Variants in ARHGAP8 observed in about 807,000 individuals in gnomAD.
ARHGAP8 encodes Rho GTPase activating protein 8.
In ARHGAP8, 62 loss-of-function variants were observed where a neutral mutation model predicts 46.1. The observed-to-expected ratio is 1.34, with a 90% CI of 1.10 to 1.66. The LOEUF is 1.66. Among genes scored for constraint, ARHGAP8 ranks in the 40% most tolerant of loss-of-function variants. The probability of loss-of-function intolerance (pLI) is 0.00; values close to 1 mark genes in which losing one functional copy is unlikely to be tolerated. For synonymous variants in ARHGAP8, 375 were observed against 243.1 expected (o/e 1.54, Z -5.05); for missense variants, 923 against 568.4 (o/e 1.62, Z -6.34).
At chr22:44,810,327 C>T (rs1344374196) in intron 4 of ARHGAP8, among the ~76,000 whole-genome samples, 1 of 151,108 alleles carries the variant, frequency 6.6e-6, no homozygotes, top group Non-Finnish European at 1.5e-5. Context: ...CCACAACCTC[C>T]ACCTCCCAGG....
chr22:44,822,746 G>A (rs1052498511), intron 6 of ARHGAP8, among the ~76,000 whole-genome samples: 2 of 152,208 alleles, frequency 1.3e-5, no homozygotes, highest in African/African-American at 4.8e-5. Flanking sequence ...GGCAACGGCC[G>A]TTTGTTGCCT....
At chr22:44,800,569 C>T (rs1307542692) in intron 2 of ARHGAP8, among the ~76,000 whole-genome samples, 1 of 141,020 alleles carries the variant, frequency 7.1e-6, no homozygotes, top group Non-Finnish European at 1.5e-5. Context: ...GGGCGCCCCT[C>T]CCCGCAGCTG....
At chr22:44,804,933 G>A (rs1035923937) in intron 3 of ARHGAP8, among the ~76,000 whole-genome samples, 1 of 152,212 alleles carries the variant, frequency 6.6e-6, no homozygotes, top group Admixed American at 6.5e-5. Flanking sequence ...TGCACGGCGA[G>A]ACCTGCAGGA....
intron 2 of ARHGAP8, among the ~76,000 whole-genome samples, chr22:44,794,038 G>A (rs777098712): frequency 6.6e-5 from 10 of 152,068 alleles, no homozygotes; most frequent in Non-Finnish European, 1.0e-4. Flanking sequence ...AGAGGAAGGC[G>A]CGGAGGCTTG....
At chr22:44,788,447 C>T (rs1927436751) in intron 2 of ARHGAP8, among the ~76,000 whole-genome samples, 2 of 151,686 alleles carry the variant, frequency 1.3e-5, no homozygotes, top group African/African-American at 4.8e-5. Flanking sequence ...GACAGGGTGT[C>T]ACTCTGTTGC....
chr22:44,821,228 G>C (rs200113633), intron 5 of ARHGAP8, among the ~76,000 whole-genome samples: 1 of 152,024 alleles, frequency 6.6e-6, no homozygotes, highest in African/African-American at 2.4e-5. Flanking sequence ...TCAGGAGATC[G>C]AGACCATCCT....
At chr22:44,770,474 C>T (rs1009163728) in intron 1 of ARHGAP8, among the ~76,000 whole-genome samples, 3 of 151,710 alleles carry the variant, frequency 2.0e-5, no homozygotes, top group Non-Finnish European at 2.9e-5. Flanking sequence ...GATGCCATCT[C>T]GGCTCATTGC....
intron 7 of ARHGAP8, among the ~76,000 whole-genome samples, chr22:44,838,970 A>G (rs917649727): frequency 6.6e-6 from 1 of 152,216 alleles, no homozygotes; most frequent in Admixed American, 6.5e-5. Context: ...TTCCAAATGG[A>G]GAAACTGAAG....
intron 7 of ARHGAP8, among the ~76,000 whole-genome samples, chr22:44,835,346 G>A (rs963027625): frequency 4.6e-5 from 7 of 152,042 alleles, no homozygotes; most frequent in African/African-American, 7.2e-5. Context: ...GGAGCCAGGC[G>A]TGGTGGCTGA....
chr22:44,787,340 G>A (rs1022314488), intron 2 of ARHGAP8, among the ~76,000 whole-genome samples: 1 of 151,672 alleles, frequency 6.6e-6, no homozygotes, highest in Middle Eastern at 3.2e-3. Flanking sequence ...GTTTTGTTTT[G>A]TTTTGTTTTG....
At chr22:44,757,523 C>T (rs1364399200) in intron 1 of ARHGAP8, among the ~76,000 whole-genome samples, 1 of 152,218 alleles carries the variant, frequency 6.6e-6, no homozygotes, top group African/African-American at 2.4e-5. Context: ...GTGATCCGCC[C>T]GCCTTGGCGT....
intron 2 of ARHGAP8, among the ~76,000 whole-genome samples, chr22:44,795,859 C>G (rs1258009392): frequency 6.6e-6 from 1 of 152,188 alleles, no homozygotes; most frequent in Non-Finnish European, 1.5e-5. Flanking sequence ...GCCCCTCCCC[C>G]ACCCCAGGTG....
chr22:44,808,188 C>T lies in ARHGAP8; in HGVS notation c.168-119C>T, dbSNP rs747489062. 406 of 1,480,112 alleles carry T rather than the reference C, an allele frequency of 2.7e-4. 5 individuals are homozygous for T. The Middle Eastern group carries it at 0.013, about 49-fold the overall frequency. The allele number at this position is 1,480,112 out of a possible 1,614,324, so 91.7% of individuals were successfully genotyped here. A position where few individuals can be genotyped will look rare whatever the true frequency, so the allele number is the denominator to read the frequency against. ...CCGGGGCCCACGGTGCATGGAGTCTCCATGTGGCCCGGTGCTGGCACCTAC... is the reference window on the plus strand; with the variant it reads ...CCGGGGCCCACGGTGCATGGAGTCTTCATGTGGCCCGGTGCTGGCACCTAC... On this transcript the variant is annotated intron_variant, in intron 3 of 11. Coordinates refer to ENST00000356099, the MANE Select transcript of ARHGAP8 (RefSeq NM_181335.3).
At chr22:44,836,029 C>A (rs1171546538) in intron 7 of ARHGAP8, among the ~76,000 whole-genome samples, 1 of 152,112 alleles carries the variant, frequency 6.6e-6, no homozygotes, top group Non-Finnish European at 1.5e-5. Context: ...TTGCCAGAAC[C>A]TCTACCCCAT....
At chr22:44,840,332 C>G (rs1021917658) in intron 7 of ARHGAP8, among the ~76,000 whole-genome samples, 1 of 152,152 alleles carries the variant, frequency 6.6e-6, no homozygotes, top group East Asian at 1.9e-4. Context: ...TGGGGGGTAT[C>G]TGTTTCTCTT....
chr22:44,779,098 T>TTCC (rs200721836), intron 1 of ARHGAP8, among the ~76,000 whole-genome samples: 1 of 88,080 alleles, frequency 1.1e-5, no homozygotes, highest in Non-Finnish European at 2.1e-5. Flanking sequence ...GGTCTCTGAC[T>TTCC]TTTTTTTTTT....
At chr22:44,842,797 CA>C (rs1931740634) in intron 7 of ARHGAP8, among the ~76,000 whole-genome samples, 1 of 152,130 alleles carries the variant, frequency 6.6e-6, no homozygotes, top group Non-Finnish European at 1.5e-5. Context: ...TCTCTTGCAA[CA>C]AGAGAGAAAA....
chr22:44,824,093 G>A (rs532120533), intron 6 of ARHGAP8, among the ~76,000 whole-genome samples: 14 of 152,270 alleles, frequency 9.2e-5, no homozygotes, highest in Non-Finnish European at 2.1e-4. Flanking sequence ...TTCCTGGTGG[G>A]TGCTGCGAGC....
chr22:44,855,734 A>T (rs1340367618), intron 10 of ARHGAP8, among the ~76,000 whole-genome samples: 1 of 152,180 alleles, frequency 6.6e-6, no homozygotes, highest in African/African-American at 2.4e-5. Flanking sequence ...GTCCCCCAGG[A>T]TCCAAAGTTA....
Sources: allele counts gnomAD v4.1 joint callset (sites outside exome capture counted in the v4.1 genomes callset), GRCh38; gene constraint gnomAD v4.1.1; transcripts MANE v1.5; gene names NCBI Gene and HGNC (gene_info 2026-07-23, HGNC 2026-07-21).